Variants in EXOC6B observed in about 807,000 individuals in gnomAD.
EXOC6B encodes the protein exocyst complex component 6B, also known as SEC15 homolog B.
EXOC6B carries 54 observed loss-of-function variants against 113.5 expected under a neutral mutation model. That is an observed-to-expected ratio of 0.48 (90% CI 0.38 to 0.60). The LOEUF is 0.60. Ranked by LOEUF, EXOC6B falls within the 20% of genes least tolerant of loss-of-function variation. The pLI, the probability that EXOC6B is intolerant of heterozygous loss-of-function variation, is 0.00. For missense variants in EXOC6B, 797 were observed against 977.5 expected (o/e 0.82, Z 2.46); for synonymous variants, 357 against 339.0 (o/e 1.05, Z -0.58).
At chr2:72,684,603 T>C (rs1676950478) in intron 6 of EXOC6B, among the ~76,000 whole-genome samples, 1 of 152,202 alleles carries the variant, frequency 6.6e-6, no homozygotes, top group Non-Finnish European at 1.5e-5. Flanking sequence ...AATCAATTGT[T>C]AAATTCATAT....
At chr2:72,637,814 A>G (rs1026597201) in intron 6 of EXOC6B, among the ~76,000 whole-genome samples, 3 of 151,890 alleles carry the variant, frequency 2.0e-5, no homozygotes, top group African/African-American at 7.3e-5. Context: ...ACTGAAACCA[A>G]ATGATAATGG....
rs1439165539 is a variant in EXOC6B at position 72,513,150 on chromosome 2, T to C, written c.1149A>G (p.Ala383=). 1.2e-6 allele frequency: 2 copies of C among 1,613,152 alleles called. No individual in the cohort carries two copies. Among genetic ancestry groups the C allele is most frequent in the African/African-American group, 2.7e-5 (2 of 74,894 alleles). ...TACATACCGAGTGGGTACGGAGTGC[T>C]GCGATGGTTTTTGAAAGTGCCATTT... ...LWEMALSKTI[A]ALRTHSSYCS... The change falls in exon 11 of 22, where the codon GCA becomes GCG. Residue 383 remains alanine (A), a synonymous_variant. Transcript: ENST00000272427.
intron 20 of EXOC6B, among the ~76,000 whole-genome samples, chr2:72,302,433 G>T (rs1050500741): frequency 6.6e-6 from 1 of 152,172 alleles, no homozygotes; most frequent in African/African-American, 2.4e-5. Flanking sequence ...CTTACTGTCA[G>T]TGGAGTGTTG....
chr2:72,762,328 C>CA (rs11413734), intron 1 of EXOC6B, among the ~76,000 whole-genome samples: 10,179 of 151,468 alleles, frequency 0.067, 1,167 homozygotes, highest in African/African-American at 0.23. Flanking sequence ...GGTGATATAG[C>CA]ATGAAAAATA....
intron 18 of EXOC6B, among the ~76,000 whole-genome samples, chr2:72,455,011 A>G (rs1697132046): frequency 6.6e-6 from 1 of 152,200 alleles, no homozygotes; most frequent in Non-Finnish European, 1.5e-5. Flanking sequence ...ATCTCTTGAT[A>G]GGCAGAAAAA....
intron 6 of EXOC6B, among the ~76,000 whole-genome samples, chr2:72,664,434 A>C (rs1248313936): frequency 1.3e-5 from 2 of 151,760 alleles, no homozygotes; most frequent in African/African-American, 4.8e-5. Flanking sequence ...GGGATGGCCC[A>C]CTCTTGCCAC....
chr2:72,681,320 G>A (rs973549978), intron 6 of EXOC6B, among the ~76,000 whole-genome samples: 100 of 152,090 alleles, frequency 6.6e-4, no homozygotes, highest in African/African-American at 2.3e-3. Context: ...TCAGTCTGAT[G>A]CAGGTGCCGC....
intron 20 of EXOC6B, among the ~76,000 whole-genome samples, chr2:72,302,690 C>G (rs992538574): frequency 6.6e-6 from 1 of 152,092 alleles, no homozygotes; most frequent in Non-Finnish European, 1.5e-5. Flanking sequence ...AGATTTGCCT[C>G]CATCCTTTTA....
At chr2:72,710,072 T>C (rs1190210388) in intron 6 of EXOC6B, among the ~76,000 whole-genome samples, 2 of 152,050 alleles carry the variant, frequency 1.3e-5, no homozygotes, top group African/African-American at 4.8e-5. Context: ...GCCCAGCTAA[T>C]TTTTTGTATT....
chr2:72,474,759 A>C (rs1698632249), intron 17 of EXOC6B, among the ~76,000 whole-genome samples: 1 of 152,000 alleles, frequency 6.6e-6, no homozygotes, highest in Non-Finnish European at 1.5e-5. Context: ...AGATTTCATT[A>C]ATTTCTCTTT....
chr2:72,446,617 C>G (rs935967179), intron 18 of EXOC6B, among the ~76,000 whole-genome samples: 1 of 151,902 alleles, frequency 6.6e-6, no homozygotes, highest in Non-Finnish European at 1.5e-5. Context: ...CTGGGGTGTA[C>G]TAGAGTGGGG....
intron 20 of EXOC6B, among the ~76,000 whole-genome samples, chr2:72,248,388 C>T (rs988767627): frequency 1.3e-5 from 2 of 152,002 alleles, no homozygotes; most frequent in South Asian, 2.1e-4. Flanking sequence ...TATCTGGATT[C>T]GTAAAACTGT....
At chr2:72,466,157 C>T (rs1698040686) in intron 17 of EXOC6B, among the ~76,000 whole-genome samples, 1 of 151,836 alleles carries the variant, frequency 6.6e-6, no homozygotes, top group South Asian at 2.1e-4. Flanking sequence ...CCAGCCTGGC[C>T]AACATGGTGA....
intron 20 of EXOC6B, among the ~76,000 whole-genome samples, chr2:72,312,591 A>C (rs1687261152): frequency 6.6e-6 from 1 of 152,048 alleles, no homozygotes; most frequent in Admixed American, 6.6e-5. Flanking sequence ...TAAGAAATCA[A>C]AGTGAAATAC....
At chr2:72,194,709 T>C (rs934605968) in intron 20 of EXOC6B, among the ~76,000 whole-genome samples, 21 of 152,120 alleles carry the variant, frequency 1.4e-4, no homozygotes, top group African/African-American at 4.8e-4. Context: ...GCAAGAAGGC[T>C]GGAGGTGTCT....
intron 19 of EXOC6B, 97 bp from the exon 20 acceptor site, chr2:72,335,117 G>C: frequency 9.2e-7 from 1 of 1,090,766 alleles, no homozygotes; most frequent in Non-Finnish European, 1.4e-6. Flanking sequence ...AGCTGGGGGA[G>C]AGGAGGACCA....
intron 20 of EXOC6B, among the ~76,000 whole-genome samples, chr2:72,267,915 T>C (rs921882660): frequency 1.1e-4 from 17 of 152,280 alleles, no homozygotes; most frequent in African/African-American, 4.1e-4. Flanking sequence ...GGTATACTTC[T>C]AGGTAAAACT....
chr2:72,754,263 A>C (rs1682253682), intron 1 of EXOC6B, among the ~76,000 whole-genome samples: 1 of 152,132 alleles, frequency 6.6e-6, no homozygotes, highest in South Asian at 2.1e-4. Context: ...AGCCACGAAG[A>C]GCTTAAGCTT....
rs192053541 is a variant in EXOC6B at position 72,547,529 on chromosome 2, A to T, written c.915+11924T>A. On this transcript the variant is annotated intron_variant, in intron 8 of 21. Transcript: ENST00000272427. ...CATACAAGACTCACAAACTAAGCTT[A>T]TGGATACATTTATAGGTTTGCCCCT... 5.3e-5 allele frequency among the ~76,000 whole-genome samples: 8 copies of T among 152,302 alleles called. No homozygotes were observed. The East Asian group carries it at 1.5e-3, about 29-fold the overall frequency.
Sources: allele counts gnomAD v4.1 joint callset (sites outside exome capture counted in the v4.1 genomes callset), GRCh38; gene constraint gnomAD v4.1.1; transcripts MANE v1.5; gene names NCBI Gene and HGNC (gene_info 2026-07-23, HGNC 2026-07-21).